NBR1: variants seen among roughly 807,000 people sequenced by gnomAD.
The protein encoded by NBR1 is next to BRCA1 gene 1 protein.
NBR1 carries 59 observed loss-of-function variants against 115.5 expected under a neutral mutation model. That is an observed-to-expected ratio of 0.51 (90% confidence interval 0.41 to 0.63). The LOEUF (loss-of-function observed/expected upper bound fraction) is 0.63. NBR1 is among the 30% of genes least tolerant of loss of function. NBR1 has a pLI of 0.00. For synonymous variants in NBR1, 373 were observed against 414.7 expected (o/e 0.90, Z 1.22); for missense variants, 1,043 against 1,150.5 (o/e 0.91, Z 1.35).
At chr17:43,201,425 A>G (rs1004340638) in intron 17 of NBR1, among the ~76,000 whole-genome samples, 3 of 152,224 alleles carry the variant, frequency 2.0e-5, no homozygotes, top group Non-Finnish European at 4.4e-5. Context: ...AAAGCTAGAC[A>G]TTTCCGTTTA....
At chr17:43,188,633 T>G (rs1030746747) in intron 6 of NBR1, among the ~76,000 whole-genome samples, 2 of 152,220 alleles carry the variant, frequency 1.3e-5, no homozygotes, top group Non-Finnish European at 2.9e-5. Flanking sequence ...AGTTAATTTT[T>G]GTATAAGGTG....
intron 7 of NBR1, 84 bp from the exon 8 acceptor site, chr17:43,189,500 CAGTT>C (rs1423469204): frequency 1.3e-5 from 11 of 870,942 alleles, no homozygotes; most frequent in South Asian, 6.0e-5. Flanking sequence ...ATACCAGAGA[CAGTT>C]AGGTTTCAGA....
At chr17:43,203,567 C>T in intron 19 of NBR1, 114 bp from the exon 20 acceptor site, 3 of 617,440 alleles carry the variant, frequency 4.9e-6, no homozygotes, top group Admixed American at 3.0e-5. Context: ...TCTCTTTTTC[C>T]ATCTAATTTT....
At chr17:43,201,825 T>A in intron 18 of NBR1, 45 bp downstream of exon 18, 1 of 1,120,308 alleles carries the variant, frequency 8.9e-7, no homozygotes. Context: ...TGCTCCTGTC[T>A]AATGGAAACC....
chr17:43,172,622 G>A lies in NBR1; in HGVS notation c.-10+1320G>A, dbSNP rs148079050. Among the ~76,000 whole-genome samples the A allele has an allele frequency of 3.8e-3, 582 of 152,194 alleles. 2 individuals are homozygous for A. The highest frequency in any genetic ancestry group is 0.014 in the African/African-American group (561 of 41,500). ...TATGAATGAATACTAGATGTCAGCA[G>A]GATTGTTGTTAAGAGACTAATATTA... On this transcript the variant is annotated intron_variant, in intron 1 of 20. Coordinates refer to ENST00000590996, the MANE Select transcript of NBR1 (RefSeq NM_005899.5).
intron 5 of NBR1, among the ~76,000 whole-genome samples, 194 bp from the exon 6 acceptor site, chr17:43,186,056 A>G (rs1015799440): frequency 6.6e-6 from 1 of 151,838 alleles, no homozygotes; most frequent in Admixed American, 6.6e-5. Context: ...ATAAATTTCT[A>G]GTTAACATTC....
At position 43,180,809 on chromosome 17, in the gene NBR1, G is replaced by A. The variant is rs1335828459; in HGVS notation, c.199G>A (p.Ala67Thr). The change falls in exon 5 of 21, where the codon GCG becomes ACG. Residue 67 changes from alanine to threonine, a missense_variant. Ala to Thr is a moderately conservative substitution (Grantham distance 58). Coordinates refer to ENST00000590996, the MANE Select transcript of NBR1 (RefSeq NM_005899.5). ...TGTTCTTTTAGGAGAATATGAAGAA[G>A]CGCTTAAGGTAATGATTATTTAATC... is the stretch of plus-strand genomic sequence containing the variant. The part of the protein sequence containing the change: ...SINSQGEYEE[A>T]LKMAVKQGNQ... The A allele has an allele frequency of 1.4e-6, 2 of 1,452,756 alleles. No individual in the cohort carries two copies. Among genetic ancestry groups the A allele is most frequent in the African/African-American group, 1.5e-5 (1 of 67,894 alleles). 90.0% of individuals were successfully genotyped at this position (1,452,756 alleles called of 1,614,324 possible). A position where few individuals can be genotyped will look rare whatever the true frequency, so the allele number is the denominator to read the frequency against.
intron 6 of NBR1, among the ~76,000 whole-genome samples, chr17:43,187,642 G>A (rs1038377140): frequency 5.3e-5 from 8 of 150,332 alleles, no homozygotes; most frequent in Non-Finnish European, 1.0e-4. Context: ...CCGAGTAGCT[G>A]GGATTACAGG....
At position 43,175,113 on chromosome 17, in the gene NBR1, TAAATA is replaced by T. The variant is rs959704656; in HGVS notation, c.-9-664_-9-660del. On this transcript the variant is annotated intron_variant, in intron 1 of 20. Transcript: ENST00000590996. ...AGACTCCGTCTCAAAAATAAATAAA[TAAATA>T]AAATAAAATAAAAAATCAGTAGATT... 1.6e-4 allele frequency among the ~76,000 whole-genome samples: 25 copies of T among 151,836 alleles called. No individual in the cohort carries two copies. In the South Asian group the frequency reaches 2.1e-3, roughly 13 times the overall value.
At position 43,190,602 on chromosome 17, in the gene NBR1, C is replaced by T; in HGVS notation, c.696-7C>T. Reference sequence around the variant, plus strand: ...CCATTGTGTATTGTGCCATTCTTTCCCCACAGCCTATGCCCATCCTACAAT... The same window carrying T: ...CCATTGTGTATTGTGCCATTCTTTCTCCACAGCCTATGCCCATCCTACAAT... On this transcript the variant is annotated splice_region_variant and splice_polypyrimidine_tract_variant and intron_variant, in intron 8 of 20. Transcript: ENST00000590996. 1 of 1,567,216 alleles carries T rather than the reference C, an allele frequency of 6.4e-7. No homozygotes were observed. The highest frequency in any genetic ancestry group is 1.2e-5 in the South Asian group (1 of 85,590).
rs535057774 is a variant in NBR1 at position 43,177,469 on chromosome 17, T to C, written c.103-467T>C. 7.9e-5 allele frequency among the ~76,000 whole-genome samples: 12 copies of C among 151,896 alleles called. No individual in the cohort carries two copies. The South Asian group carries it at 2.5e-3, about 32-fold the overall frequency. On this transcript the variant is annotated intron_variant, in intron 2 of 20. Transcript: ENST00000590996. ...TGCCAAATGCTTTGCAGAACAATTG[T>C]AGCAGCACACAGAAATACATGACAG...
chr17:43,177,299 GT>G (rs560292007), intron 2 of NBR1, among the ~76,000 whole-genome samples: 23,000 of 136,938 alleles, frequency 0.17, 2,162 homozygotes, highest in Non-Finnish European at 0.21. Context: ...GATATTTTTC[GT>G]TTTTTTTTTT....
chr17:43,184,872 C>G (rs1170051513), intron 5 of NBR1, among the ~76,000 whole-genome samples: 1 of 151,122 alleles, frequency 6.6e-6, no homozygotes, highest in Non-Finnish European at 1.5e-5. Flanking sequence ...CGGCAGATCA[C>G]GAGGTCAAGA....
Position 43,191,594 on chromosome 17 carries a change from C to A in NBR1, c.1073+13C>A. 1 of 1,581,142 alleles carries A rather than the reference C, an allele frequency of 6.3e-7. No individual in the cohort carries two copies. On this transcript the variant is annotated intron_variant, in intron 10 of 20. Coordinates refer to ENST00000590996, the MANE Select transcript of NBR1 (RefSeq NM_005899.5). ...CTAATACCCTGATGTAAGCCCAGGA[C>A]TGGGGTGGGAGCCAAAACTTTAGGC...
chr17:43,194,915 A>T (rs747432807), intron 13 of NBR1, 49 bp from the exon 14 acceptor site: 1 of 1,451,920 alleles, frequency 6.9e-7, no homozygotes, highest in South Asian at 1.2e-5. Flanking sequence ...CCATCAAGAC[A>T]TGGCTCCAGC....
chr17:43,186,190 A>G, intron 5 of NBR1, 60 bp from the exon 6 acceptor site: 1 of 1,413,790 alleles, frequency 7.1e-7, no homozygotes, highest in Non-Finnish European at 9.6e-7. Flanking sequence ...TGTCTTTGAA[A>G]TGTTATTTAG....
In NBR1 at chr17:43,208,078, G is replaced by C. The variant is rs111691171; in HGVS notation, c.2728-1823G>C. On this transcript the variant is annotated intron_variant, in intron 20 of 20. Coordinates refer to ENST00000590996, the MANE Select transcript of NBR1 (RefSeq NM_005899.5). ...GAGTTCTATGCTGGAACTTAAGGAA[G>C]GGTGTTTTAATAAGGGGGACATGGT... 4.6e-3 allele frequency among the ~76,000 whole-genome samples: 707 copies of C among 152,312 alleles called. 10 individuals carry two copies. Among genetic ancestry groups the C allele is most frequent in the African/African-American group, 0.016 (654 of 41,556 alleles).
At chr17:43,178,290 C>T (rs1447285169) in intron 3 of NBR1, among the ~76,000 whole-genome samples, 1 of 151,316 alleles carries the variant, frequency 6.6e-6, no homozygotes, top group African/African-American at 2.4e-5. Flanking sequence ...CCAAGCAGTC[C>T]TCCCACCTCA....
chr17:43,204,364 G>A (rs1333164950), intron 20 of NBR1, among the ~76,000 whole-genome samples: 1 of 152,092 alleles, frequency 6.6e-6, no homozygotes, highest in Non-Finnish European at 1.5e-5. Flanking sequence ...TTGGCACTAT[G>A]GCATGAATAA....
Sources: allele counts gnomAD v4.1 joint callset (sites outside exome capture counted in the v4.1 genomes callset), GRCh38; gene constraint gnomAD v4.1.1; transcripts MANE v1.5; gene names NCBI Gene and HGNC (gene_info 2026-07-23, HGNC 2026-07-21).